Variants in SH3GL3 observed in about 807,000 individuals in gnomAD.
SH3GL3 encodes the protein SH3 domain containing GRB2 like 3, endophilin A3.
SH3GL3 carries 33 observed loss-of-function variants against 47.7 expected under a neutral mutation model. The ratio of observed to expected loss-of-function variants is 0.69; its 90% CI spans 0.52 to 0.92. The LOEUF (loss-of-function observed/expected upper bound fraction) is 0.92, where lower values mean the gene tolerates loss of function less well. SH3GL3 is among the 40% of genes least tolerant of loss of function. The pLI, the probability that SH3GL3 is intolerant of heterozygous loss-of-function variation, is 0.00. For synonymous variants in SH3GL3, 155 were observed against 148.8 expected (o/e 1.04, Z -0.30); for missense variants, 363 against 417.8 (o/e 0.87, Z 1.14).
chr15:83,501,318 A>T (rs2042283935), intron 1 of SH3GL3, among the ~76,000 whole-genome samples: 3 of 152,332 alleles, frequency 2.0e-5, no homozygotes, highest in East Asian at 1.9e-4. Context: ...TTTCATACAT[A>T]AGCTGAACTT....
intron 1 of SH3GL3, among the ~76,000 whole-genome samples, chr15:83,460,100 T>A (rs1039618679): frequency 7.4e-6 from 1 of 134,716 alleles, no homozygotes; most frequent in Middle Eastern, 3.4e-3. Context: ...CTTCCTTGCT[T>A]CCTTCCTTCC....
intron 1 of SH3GL3, among the ~76,000 whole-genome samples, chr15:83,456,742 G>C (rs927330153): frequency 4.3e-4 from 65 of 150,626 alleles, no homozygotes; most frequent in African/African-American, 1.6e-3. Flanking sequence ...CGGTACCTCA[G>C]ATGGAAATGC....
At chr15:83,490,811 C>G in intron 1 of SH3GL3, 1 of 1,614,080 alleles carries the variant, frequency 6.2e-7, no homozygotes. Context: ...ATTGAGGACT[C>G]TCTTAAATCA....
At chr15:83,499,101 G>A (rs1351284677) in intron 1 of SH3GL3, among the ~76,000 whole-genome samples, 1 of 152,052 alleles carries the variant, frequency 6.6e-6, no homozygotes, top group Non-Finnish European at 1.5e-5. Context: ...GCTGAGGTGG[G>A]GGATGGGTTG....
At chr15:83,469,242 T>G (rs773458547) in intron 1 of SH3GL3, among the ~76,000 whole-genome samples, 1 of 152,180 alleles carries the variant, frequency 6.6e-6, no homozygotes, top group South Asian at 2.1e-4. Context: ...TGGTAAAGGT[T>G]TGTCAGTTTT....
Position 83,540,304 on chromosome 15 carries a change from T to G in SH3GL3, c.46-18949T>G, listed in dbSNP as rs372616242. The stretch of plus-strand genomic sequence containing the variant: ...GTTATTTGCTACAGTGTTCTACATA[T>G]GATGGTTCAAGTCATGTTAATCTAC... On this transcript the variant is annotated intron_variant, in intron 1 of 8. Coordinates refer to ENST00000427482, the MANE Select transcript of SH3GL3 (RefSeq NM_003027.5). Among the ~76,000 whole-genome samples the G allele has an allele frequency of 3.4e-3, 524 of 152,314 alleles. 4 individuals carry two copies. Among genetic ancestry groups the G allele is most frequent in the African/African-American group, 0.011 (471 of 41,580 alleles).
intron 8 of SH3GL3, among the ~76,000 whole-genome samples, chr15:83,605,471 A>G (rs187821035): frequency 4.8e-4 from 73 of 151,632 alleles, no homozygotes; most frequent in African/African-American, 1.8e-3. Context: ...CAAGCATTTC[A>G]CTAACAAATG....
At chr15:83,610,215 C>T (rs1359815750) in intron 8 of SH3GL3, among the ~76,000 whole-genome samples, 1 of 152,208 alleles carries the variant, frequency 6.6e-6, no homozygotes, top group Non-Finnish European at 1.5e-5. Context: ...TGATGGGCCA[C>T]CCCATTGAAT....
chr15:83,459,160 C>T (rs1325553203), intron 1 of SH3GL3, among the ~76,000 whole-genome samples: 1 of 152,256 alleles, frequency 6.6e-6, no homozygotes, highest in Non-Finnish European at 1.5e-5. Flanking sequence ...GGCCAGGAGA[C>T]TCGGCCAGTC....
intron 1 of SH3GL3, among the ~76,000 whole-genome samples, chr15:83,547,882 T>A (rs1354117712): frequency 6.6e-6 from 1 of 151,954 alleles, no homozygotes; most frequent in Admixed American, 6.5e-5. Flanking sequence ...TTAAATCTGC[T>A]ATGTTATTAT....
intron 1 of SH3GL3, among the ~76,000 whole-genome samples, chr15:83,483,749 A>C (rs1407264343): frequency 6.6e-6 from 1 of 152,232 alleles, no homozygotes; most frequent in African/African-American, 2.4e-5. Flanking sequence ...TGGTAGGGGC[A>C]TCTGTAGGAT....
At chr15:83,496,967 C>G (rs1283600289) in intron 1 of SH3GL3, among the ~76,000 whole-genome samples, 1 of 152,102 alleles carries the variant, frequency 6.6e-6, no homozygotes, top group Non-Finnish European at 1.5e-5. Flanking sequence ...CAGGGCAGCT[C>G]CCTTTCTCAC....
intron 4 of SH3GL3, among the ~76,000 whole-genome samples, chr15:83,571,369 A>C (rs77378263): frequency 0.05 from 7,547 of 152,180 alleles, 240 homozygotes; most frequent in Non-Finnish European, 0.076. Flanking sequence ...ATTTCTCACC[A>C]TTTGGGCAGG....
chr15:83,519,018 A>G (rs956587949), intron 1 of SH3GL3, among the ~76,000 whole-genome samples: 2 of 152,040 alleles, frequency 1.3e-5, no homozygotes, highest in African/African-American at 4.8e-5. Context: ...GTTCTGTTCC[A>G]TTGGTCTACA....
At chr15:83,573,619 C>G (rs2059594344) in intron 5 of SH3GL3, among the ~76,000 whole-genome samples, 1 of 152,204 alleles carries the variant, frequency 6.6e-6, no homozygotes, top group South Asian at 2.1e-4. Context: ...CTGGTCTAGC[C>G]TATGTGACAG....
chr15:83,472,941 A>G (rs948465382), intron 1 of SH3GL3, among the ~76,000 whole-genome samples: 5 of 152,116 alleles, frequency 3.3e-5, no homozygotes, highest in African/African-American at 1.2e-4. Context: ...GTGGGGTCTC[A>G]TTATTGCTGA....
intron 1 of SH3GL3, among the ~76,000 whole-genome samples, chr15:83,492,724 A>G (rs749404307): frequency 3.3e-5 from 5 of 152,230 alleles, no homozygotes; most frequent in Non-Finnish European, 5.9e-5. Context: ...CCTTCCCTCT[A>G]TCCCCCAGGG....
intron 1 of SH3GL3, among the ~76,000 whole-genome samples, chr15:83,458,797 C>T (rs932950570): frequency 3.3e-5 from 5 of 152,194 alleles, no homozygotes; most frequent in Admixed American, 3.3e-4. Flanking sequence ...TGTTTCTTCT[C>T]TCCTGGATAA....
chr15:83,503,325 T>G (rs2042366539), intron 1 of SH3GL3, among the ~76,000 whole-genome samples: 1 of 152,196 alleles, frequency 6.6e-6, no homozygotes, highest in Non-Finnish European at 1.5e-5. Context: ...GCTTCTAACC[T>G]GCTTTTCTCA....
Sources: gnomAD v4.1 joint callset for allele counts (sites outside exome capture counted in the v4.1 genomes callset) on GRCh38, gnomAD v4.1.1 for gene constraint, MANE v1.5 for transcripts, NCBI Gene and HGNC (gene_info 2026-07-23, HGNC 2026-07-21) for gene names.